The following NECAB1 variants were observed in gnomAD, a reference collection of about 807,000 sequenced individuals.
The protein encoded by NECAB1 is N-terminal EF-hand calcium-binding protein 1.
In NECAB1, 29 loss-of-function variants were observed where a neutral mutation model predicts 57.5. That is an observed-to-expected ratio of 0.50 (90% confidence interval 0.38 to 0.69). The LOEUF is 0.69. Among genes scored for constraint, NECAB1 ranks in the 30% least tolerant of loss-of-function variants. The probability of loss-of-function intolerance (pLI) is 0.00; values close to 1 mark genes in which losing one functional copy is unlikely to be tolerated. For missense variants in NECAB1, 372 were observed against 413.8 expected (o/e 0.90, Z 0.88); for synonymous variants, 142 against 147.7 (o/e 0.96, Z 0.28).
chr8:90,822,885 A>G (rs1812166649), intron 2 of NECAB1, among the ~76,000 whole-genome samples: 1 of 151,454 alleles, frequency 6.6e-6, no homozygotes, highest in Non-Finnish European at 1.5e-5. Context: ...TTTAAACAGT[A>G]CATGAAAAGG....
In NECAB1 at chr8:90,938,489, C is replaced by T. The variant is rs529300368; in HGVS notation, c.748-2297C>T. Among the ~76,000 whole-genome samples, 3 of 152,280 alleles carry T rather than the reference C, an allele frequency of 2.0e-5. No homozygotes were observed. In the South Asian group the frequency reaches 6.2e-4, roughly 32 times the overall value. ...GGACTCCTGTTCCACCTCTCCCAAA[C>T]CCCACATCCTACAATTTGTTTCGGC... On this transcript the variant is annotated intron_variant, in intron 9 of 12. Transcript: ENST00000417640.
intron 3 of NECAB1, among the ~76,000 whole-genome samples, chr8:90,841,868 C>G (rs765774745): frequency 6.6e-6 from 1 of 152,192 alleles, no homozygotes; most frequent in Non-Finnish European, 1.5e-5. Flanking sequence ...GAGGCTTTAA[C>G]AGTCAGGAGC....
intron 2 of NECAB1, among the ~76,000 whole-genome samples, chr8:90,824,177 T>G (rs149417559): frequency 3.4e-4 from 51 of 152,012 alleles, no homozygotes; most frequent in African/African-American, 1.2e-3. Flanking sequence ...TCTCTCTGAT[T>G]GGGTTTCACC....
intron 5 of NECAB1, among the ~76,000 whole-genome samples, chr8:90,887,380 C>T (rs1809031234): frequency 6.6e-6 from 1 of 152,188 alleles, no homozygotes; most frequent in African/African-American, 2.4e-5. Context: ...CTGAAGGGAA[C>T]AAGATCATTT....
intron 1 of NECAB1, among the ~76,000 whole-genome samples, chr8:90,797,199 A>G (rs2130639556): frequency 6.6e-6 from 1 of 152,272 alleles, no homozygotes; most frequent in South Asian, 2.1e-4. Flanking sequence ...ATTTTGCTTT[A>G]AGCATAACTC....
At chr8:90,899,673 C>A (rs998515721) in intron 5 of NECAB1, among the ~76,000 whole-genome samples, 1 of 152,120 alleles carries the variant, frequency 6.6e-6, no homozygotes, top group Non-Finnish European at 1.5e-5. Context: ...ATGCTCAAAT[C>A]TTGTCCCTCA....
At chr8:90,835,315 G>A (rs1187797638) in intron 3 of NECAB1, among the ~76,000 whole-genome samples, 2 of 152,106 alleles carry the variant, frequency 1.3e-5, no homozygotes, top group Non-Finnish European at 2.9e-5. Context: ...TCTTAGCATA[G>A]TAAAGTTTTC....
At chr8:90,803,302 C>T (rs1811791676) in intron 2 of NECAB1, among the ~76,000 whole-genome samples, 1 of 152,150 alleles carries the variant, frequency 6.6e-6, no homozygotes, top group African/African-American at 2.4e-5. Flanking sequence ...GCCTGGTGTA[C>T]AATTGAATAG....
chr8:90,938,313 A>G (rs1810587271), intron 9 of NECAB1, among the ~76,000 whole-genome samples: 1 of 152,216 alleles, frequency 6.6e-6, no homozygotes, highest in Non-Finnish European at 1.5e-5. Context: ...TACTACTCCT[A>G]TAATAGAGAA....
At chr8:90,908,445 A>G (rs1809747793) in intron 5 of NECAB1, among the ~76,000 whole-genome samples, 1 of 152,132 alleles carries the variant, frequency 6.6e-6, no homozygotes. Flanking sequence ...AATGCATGCT[A>G]GCAGTTGAGA....
intron 4 of NECAB1, among the ~76,000 whole-genome samples, chr8:90,873,346 A>G: frequency 6.6e-6 from 1 of 152,216 alleles, no homozygotes; most frequent in East Asian, 1.9e-4. Context: ...ATTCTTTCAG[A>G]CACAGTCAGA....
At chr8:90,906,887 A>ATGTATATATATATATATGTATGTG (rs199604237) in intron 5 of NECAB1, among the ~76,000 whole-genome samples, 1 of 121,670 alleles carries the variant, frequency 8.2e-6, no homozygotes, top group African/African-American at 3.7e-5. Context: ...ATATATATAT[A>ATGTATATATATATATATGTATGTG]TATATATATA....
At chr8:90,955,115 TATATATATA>T (rs1563548994) in intron 12 of NECAB1, among the ~76,000 whole-genome samples, 1 of 69,616 alleles carries the variant, frequency 1.4e-5, no homozygotes, top group African/African-American at 1.2e-4. Flanking sequence ...ATATAAATTA[TATATATATA>T]TATATATATA....
chr8:90,891,180 T>C (rs1809157520), intron 5 of NECAB1, among the ~76,000 whole-genome samples: 1 of 152,188 alleles, frequency 6.6e-6, no homozygotes, highest in South Asian at 2.1e-4. Flanking sequence ...TTGGACATTG[T>C]GAGTGTCCAG....
At chr8:90,920,181 T>C (rs372991617) in intron 6 of NECAB1, among the ~76,000 whole-genome samples, 8 of 152,316 alleles carry the variant, frequency 5.3e-5, no homozygotes, top group South Asian at 4.1e-4. Context: ...TGCTGTTGTA[T>C]GGCATTTGAC....
rs556850367 is a variant in NECAB1 at position 90,913,301 on chromosome 8, G to C, written c.358-4191G>C. Among the ~76,000 whole-genome samples, 101 of 152,130 alleles carry C rather than the reference G, an allele frequency of 6.6e-4. 1 individual carries two copies. The highest frequency in any genetic ancestry group is 1.2e-3 in the Non-Finnish European group (81 of 67,992). ...AATGTTTACATTTTGGCTTTCCGCA[G>C]ACAAAAATGGAGGTATTAATACTAC... On this transcript the variant is annotated intron_variant, in intron 5 of 12. Coordinates refer to ENST00000417640, the MANE Select transcript of NECAB1 (RefSeq NM_022351.5).
In NECAB1 at chr8:90,875,487, CAAAAAAAAAA is replaced by C. The variant is rs35777818; in HGVS notation, c.259+3353_259+3362del. 1.9e-3 allele frequency among the ~76,000 whole-genome samples: 80 copies of C among 41,492 alleles called. 1 individual carries two copies. The highest frequency in any genetic ancestry group is 0.011 in the African/African-American group (79 of 7,040). The allele number at this position is 41,492 out of a possible 152,430, so 27.2% of individuals were successfully genotyped here. On this transcript the variant is annotated intron_variant, in intron 4 of 12. Transcript: ENST00000417640. ...TGGGCGACAGAGCGAGACTCCGTCT[CAAAAAAAAAA>C]AAAAAAAAAAAAAAAAAAGAATAGG...
intron 3 of NECAB1, among the ~76,000 whole-genome samples, chr8:90,856,448 C>A (rs1057229930): frequency 2.6e-5 from 4 of 152,068 alleles, no homozygotes; most frequent in African/African-American, 9.7e-5. Flanking sequence ...GGATTAAAAA[C>A]AAGATCAGCT....
intron 3 of NECAB1, among the ~76,000 whole-genome samples, chr8:90,826,925 A>T (rs1433572431): frequency 2.0e-5 from 3 of 151,944 alleles, no homozygotes; most frequent in Non-Finnish European, 2.9e-5. Context: ...CATTAGTAAC[A>T]GGTGTTTTCT....
Sources: allele counts gnomAD v4.1 joint callset (sites outside exome capture counted in the v4.1 genomes callset), GRCh38; gene constraint gnomAD v4.1.1; transcripts MANE v1.5; gene names NCBI Gene and HGNC (gene_info 2026-07-23, HGNC 2026-07-21).